The following FLI1 variants were observed in gnomAD, a reference collection of about 807,000 sequenced individuals.
The protein encoded by FLI1 is Fli-1 proto-oncogene, ETS transcription factor.
In FLI1, 13 loss-of-function variants were observed where a neutral mutation model predicts 53.1. The ratio of observed to expected loss-of-function variants is 0.24; its 90% confidence interval spans 0.16 to 0.39. The LOEUF (loss-of-function observed/expected upper bound fraction) is 0.39, where lower values mean the gene tolerates loss of function less well. FLI1 is among the 10% of genes least tolerant of loss of function. The pLI, the probability that FLI1 is intolerant of heterozygous loss-of-function variation, is 1.00. For synonymous variants in FLI1, 244 were observed against 236.7 expected (o/e 1.03, Z -0.28); for missense variants, 424 against 600.5 (o/e 0.71, Z 3.07).
At chr11:128,686,511 C>A (rs1419077911), upstream of FLI1, 2 of 456,612 alleles carry the variant, frequency 4.4e-6, no homozygotes, top group South Asian at 3.1e-5. Flanking sequence ...CCGGACTAGG[C>A]GGATCTGAGC....
chr11:128,692,579 A>G (rs1308568626), upstream of FLI1: 3 of 151,526 alleles, frequency 2.0e-5, no homozygotes, highest in African/African-American at 7.3e-5. Flanking sequence ...ATTTCTAGAG[A>G]GGGAGGGGGA....
chr11:128,697,732 C>A (rs1028856838), intron 1 of FLI1, among the ~76,000 whole-genome samples: 1 of 152,156 alleles, frequency 6.6e-6, no homozygotes, highest in Non-Finnish European at 1.5e-5. Context: ...AACACAGGTC[C>A]AAATTTACCA....
chr11:128,810,952 C>T lies in FLI1; in HGVS notation c.1323C>T (p.Asn441=). The change falls in exon 9 of 9, where the codon AAC becomes AAT. Residue 441 remains asparagine, a synonymous_variant. Transcript: ENST00000527786. This position sits in a 1 kb window ranked among gnomAD's most constrained non-coding sequence, Gnocchi z 6.6. ...YPNPNVPRHP[N]THVPSHLGSY... ...ACCCCAACGTCCCCCGCCATCCTAA[C>T]ACCCACGTGCCTTCACACTTAGGCA... The T allele has an allele frequency of 6.2e-7, 1 of 1,614,068 alleles. No homozygotes were observed. Among genetic ancestry groups the T allele is most frequent in the Non-Finnish European group, 8.5e-7 (1 of 1,179,906 alleles).
intron 1 of FLI1, among the ~76,000 whole-genome samples, chr11:128,740,915 G>A (rs1403055279): frequency 6.6e-6 from 1 of 152,176 alleles, no homozygotes; most frequent in East Asian, 1.9e-4. Flanking sequence ...AGATGAGGAA[G>A]GAGAGAAGGT....
rs115279315 is a variant in FLI1 at position 128,746,638 on chromosome 11, G to A, written c.19-11477G>A. Among the ~76,000 whole-genome samples, 641 of 152,252 alleles carry A rather than the reference G, an allele frequency of 4.2e-3. 5 individuals carry two copies. Among genetic ancestry groups the A allele is most frequent in the African/African-American group, 0.014 (600 of 41,542 alleles). On this transcript the variant is annotated intron_variant, in intron 1 of 8. Coordinates refer to ENST00000527786, the MANE Select transcript of FLI1 (RefSeq NM_002017.5). ...CTTTCTCAAGCAATAGGAAAGCTCC[G>A]GAACTCCATCCTGGCTCCCAGGCTA... is the stretch of plus-strand genomic sequence containing the variant.
At chr11:128,797,421 T>C (rs1162632606) in intron 5 of FLI1, among the ~76,000 whole-genome samples, 2 of 152,252 alleles carry the variant, frequency 1.3e-5, no homozygotes. Flanking sequence ...CTTTTCAAAA[T>C]AAAATTATGG....
At chr11:128,756,323 G>A (rs1051764056) in intron 1 of FLI1, among the ~76,000 whole-genome samples, 1 of 152,114 alleles carries the variant, frequency 6.6e-6, no homozygotes, top group Non-Finnish European at 1.5e-5. Flanking sequence ...GTCCTCACAT[G>A]GCAGCCCCTC....
At chr11:128,760,301 T>C (rs1941055729) in intron 2 of FLI1, among the ~76,000 whole-genome samples, 1 of 152,168 alleles carries the variant, frequency 6.6e-6, no homozygotes, top group Non-Finnish European at 1.5e-5. Context: ...GGAGGCAAAG[T>C]TGGAGCCCGA....
At chr11:128,710,398 G>T (rs1938739821) in intron 1 of FLI1, among the ~76,000 whole-genome samples, 1 of 151,974 alleles carries the variant, frequency 6.6e-6, no homozygotes, top group Non-Finnish European at 1.5e-5. Flanking sequence ...ACAGAATTGG[G>T]ATTTCAAAGT....
chr11:128,709,193 C>G lies in FLI1; in HGVS notation c.18+14917C>G, dbSNP rs915014441. Among the ~76,000 whole-genome samples, 7 of 152,088 alleles carry G rather than the reference C, an allele frequency of 4.6e-5. No homozygotes were observed. In the South Asian group the frequency reaches 1.0e-3, roughly 23 times the overall value. Reference sequence around the variant, plus strand: ...TAGTACTGGTAGTAATAATGCATAACGTTAATTTTTCTACCAACCTTACTA... The same window carrying G: ...TAGTACTGGTAGTAATAATGCATAAGGTTAATTTTTCTACCAACCTTACTA... On this transcript the variant is annotated intron_variant, in intron 1 of 8. Coordinates refer to ENST00000527786, the MANE Select transcript of FLI1 (RefSeq NM_002017.5).
At chr11:128,699,874 A>T (rs1189993364) in intron 1 of FLI1, among the ~76,000 whole-genome samples, 2 of 152,198 alleles carry the variant, frequency 1.3e-5, no homozygotes, top group African/African-American at 4.8e-5. Flanking sequence ...CCTTATGGGA[A>T]TTGGTGGTAC....
intron 1 of FLI1, among the ~76,000 whole-genome samples, chr11:128,727,908 T>G (rs1591758496): frequency 6.6e-6 from 1 of 152,144 alleles, no homozygotes; most frequent in East Asian, 1.9e-4. Context: ...GGTAAGGAGT[T>G]AAAGCGGGGA....
At chr11:128,808,353 G>A (rs981081753) in intron 7 of FLI1, among the ~76,000 whole-genome samples, 6 of 152,080 alleles carry the variant, frequency 3.9e-5, no homozygotes, top group Non-Finnish European at 7.4e-5. Flanking sequence ...TTGCCAAGTC[G>A]AGACCCAGCT....
intron 1 of FLI1, among the ~76,000 whole-genome samples, chr11:128,714,710 C>CTT (rs11381734): frequency 0.02 from 2,410 of 121,582 alleles, 101 homozygotes; most frequent in African/African-American, 0.037. Flanking sequence ...CTTGAAGGAC[C>CTT]TTTTTTTTTT....
intron 1 of FLI1, 79 bp downstream of exon 1, chr11:128,694,355 G>A (rs1937926410): frequency 8.7e-7 from 1 of 1,147,362 alleles, no homozygotes. Flanking sequence ...TGCGGGGCCC[G>A]CGTCCCGGAA....
At chr11:128,687,440 G>T (rs915784940) in intron 1 of FLI1, among the ~76,000 whole-genome samples, 1 of 152,130 alleles carries the variant, frequency 6.6e-6, no homozygotes, top group Non-Finnish European at 1.5e-5. Context: ...CCATGCAGCC[G>T]CGACCTGACG....
At chr11:128,706,905 T>A (rs1230050772) in intron 1 of FLI1, among the ~76,000 whole-genome samples, 1 of 152,212 alleles carries the variant, frequency 6.6e-6, no homozygotes, top group Non-Finnish European at 1.5e-5. Context: ...GCAAGAGGCA[T>A]TTCTTAGGGC....
intron 3 of FLI1, among the ~76,000 whole-genome samples, chr11:128,770,499 C>A (rs1199572300): frequency 6.6e-6 from 1 of 152,156 alleles, no homozygotes; most frequent in Admixed American, 6.5e-5. Context: ...TCACTAGCTC[C>A]ATGTTCAGAT....
chr11:128,727,249 A>T (rs1674447443), intron 1 of FLI1, among the ~76,000 whole-genome samples: 1 of 152,252 alleles, frequency 6.6e-6, no homozygotes, highest in South Asian at 2.1e-4. Flanking sequence ...AAATTATTTC[A>T]TAAGGCTATG....
Sources: gnomAD v4.1 joint callset for allele counts (sites outside exome capture counted in the v4.1 genomes callset) on GRCh38, gnomAD v4.1.1 for gene constraint, Gnocchi (gnomAD v3.1) non-coding constraint, MANE v1.5 for transcripts, NCBI Gene and HGNC (gene_info 2026-07-23, HGNC 2026-07-21) for gene names.